PCSK5: variants seen among roughly 807,000 people sequenced by gnomAD.
PCSK5 encodes the protein proprotein convertase subtilisin/kexin type 5, also known as prohormone convertase 5.
A neutral mutation model predicts 233.2 loss-of-function variants in PCSK5; 129 were observed. That is an observed-to-expected ratio of 0.55 (90% CI 0.48 to 0.64). PCSK5 has a LOEUF of 0.64. Ranked by LOEUF, PCSK5 falls within the 30% of genes least tolerant of loss-of-function variation. The pLI is 0.00. For synonymous variants in PCSK5, 825 were observed against 879.2 expected (o/e 0.94, Z 1.09); for missense variants, 2,076 against 2,430.1 (o/e 0.85, Z 3.06).
intron 20 of PCSK5, among the ~76,000 whole-genome samples, chr9:76,207,212 C>A (rs1349569443): frequency 1.3e-5 from 2 of 152,212 alleles, no homozygotes; most frequent in African/African-American, 2.4e-5. Flanking sequence ...TTAATCACAT[C>A]TGGGAAATCC....
chr9:76,295,187 T>C (rs945664376), intron 25 of PCSK5, 88 bp from the exon 26 acceptor site: 53 of 1,185,674 alleles, frequency 4.5e-5, no homozygotes, highest in Non-Finnish European at 6.0e-5. Context: ...CAAAAAACTC[T>C]GCATAGACAT....
At chr9:75,960,167 C>CT (rs1358787335) in intron 2 of PCSK5, among the ~76,000 whole-genome samples, 1 of 152,022 alleles carries the variant, frequency 6.6e-6, no homozygotes, top group Non-Finnish European at 1.5e-5. Flanking sequence ...GATTTTAGGT[C>CT]TTTTTTCAAC....
intron 10 of PCSK5, among the ~76,000 whole-genome samples, chr9:76,152,190 G>GTGAC (rs1450778181): frequency 1.2e-4 from 19 of 152,240 alleles, no homozygotes; most frequent in Non-Finnish European, 2.8e-4. Flanking sequence ...GTCACATTCT[G>GTGAC]ATTTCAGTTG....
chr9:76,210,088 C>T (rs889687023), intron 20 of PCSK5, among the ~76,000 whole-genome samples: 1 of 152,150 alleles, frequency 6.6e-6, no homozygotes, highest in Non-Finnish European at 1.5e-5. Flanking sequence ...TTGACCTCAA[C>T]AGCAGCTGAC....
chr9:76,304,579 A>G (rs970425865), intron 28 of PCSK5, among the ~76,000 whole-genome samples: 27 of 150,048 alleles, frequency 1.8e-4, no homozygotes, highest in African/African-American at 6.1e-4. Context: ...AGTCTTCACA[A>G]CAATCCTATA....
intron 7 of PCSK5, among the ~76,000 whole-genome samples, chr9:76,080,255 C>T (rs1224137823): frequency 6.6e-6 from 1 of 152,200 alleles, no homozygotes. Flanking sequence ...CCCCATGCTT[C>T]TCTGAGCTCT....
At chr9:76,244,339 A>T (rs191212591) in intron 24 of PCSK5, among the ~76,000 whole-genome samples, 2 of 152,190 alleles carry the variant, frequency 1.3e-5, no homozygotes, top group Non-Finnish European at 2.9e-5. Context: ...GATAAATACA[A>T]ACTTGAAAAA....
At chr9:75,918,431 T>C (rs1032118740) in intron 1 of PCSK5, among the ~76,000 whole-genome samples, 3 of 152,256 alleles carry the variant, frequency 2.0e-5, no homozygotes, top group Non-Finnish European at 4.4e-5. Context: ...CCAATGCTGC[T>C]GGTCCAGTGC....
intron 20 of PCSK5, among the ~76,000 whole-genome samples, chr9:76,203,365 G>C (rs1162960282): frequency 6.6e-6 from 1 of 151,930 alleles, no homozygotes; most frequent in Non-Finnish European, 1.5e-5. Context: ...TGTTGACAAG[G>C]GACTTTGCAG....
chr9:76,161,601 T>G (rs1587703087), intron 12 of PCSK5, among the ~76,000 whole-genome samples: 1 of 152,296 alleles, frequency 6.6e-6, no homozygotes, highest in South Asian at 2.1e-4. Flanking sequence ...TGTTGCTGTT[T>G]GCTTGAAAAA....
At chr9:76,100,924 C>G (rs1016192) in intron 8 of PCSK5, among the ~76,000 whole-genome samples, 101,359 of 151,878 alleles carry the variant, frequency 0.67, 33,974 homozygotes, top group South Asian at 0.74. Flanking sequence ...TGTGCAAAGT[C>G]CCGTCTGTTA....
intron 2 of PCSK5, among the ~76,000 whole-genome samples, chr9:75,958,020 C>G (rs944692663): frequency 1.2e-4 from 19 of 152,130 alleles, no homozygotes; most frequent in Admixed American, 7.9e-4. Context: ...TGACTTTGAG[C>G]CTTAAATCTC....
chr9:75,995,693 A>G (rs1826985288), intron 3 of PCSK5, among the ~76,000 whole-genome samples: 1 of 150,996 alleles, frequency 6.6e-6, no homozygotes, highest in Non-Finnish European at 1.5e-5. Context: ...ATGGAGGTCC[A>G]ATCTGTTAGT....
chr9:76,224,290 T>G lies in PCSK5; in HGVS notation c.2627-3213T>G, dbSNP rs527765412. 5.3e-5 allele frequency among the ~76,000 whole-genome samples: 8 copies of G among 152,210 alleles called. No homozygotes were observed. The East Asian group carries it at 1.5e-3, about 29-fold the overall frequency. Reference sequence around the variant, plus strand: ...CACAGAGGAACTGGTGGAGAAATATTCTGAGGAAAGAAGATTATAACAGTA... The same window carrying G: ...CACAGAGGAACTGGTGGAGAAATATGCTGAGGAAAGAAGATTATAACAGTA... On this transcript the variant is annotated intron_variant, in intron 20 of 37. Coordinates refer to ENST00000674117, the MANE Select transcript of PCSK5 (RefSeq NM_001372043.1).
intron 20 of PCSK5, among the ~76,000 whole-genome samples, chr9:76,221,956 A>G (rs560794073): frequency 6.8e-4 from 104 of 152,326 alleles, no homozygotes; most frequent in African/African-American, 2.5e-3. Context: ...CAGGAAGGAC[A>G]AGGGCAAGTT....
rs746221548 is a variant in PCSK5, at chr9:76,174,950, T to A, written c.1757-36T>A. 3.2e-6 allele frequency: 5 copies of A among 1,558,796 alleles called. No homozygotes were observed. The Admixed American group carries it at 9.4e-5, about 29-fold the overall frequency. ...ATGTTACAGAGCTAAAGAGGGAAAA[T>A]TTGGTCATGCTGTGATTTCATTATT... On this transcript the variant is annotated intron_variant, in intron 13 of 37. Coordinates refer to ENST00000674117, the MANE Select transcript of PCSK5 (RefSeq NM_001372043.1).
intron 37 of PCSK5, among the ~76,000 whole-genome samples, chr9:76,356,926 A>G (rs1312964666): frequency 2.0e-5 from 3 of 152,216 alleles, no homozygotes; most frequent in Non-Finnish European, 4.4e-5. Context: ...TTCAACAAAT[A>G]TTTATGAAAA....
At chr9:76,189,552 A>G (rs1824265352) in intron 19 of PCSK5, 79 bp from the exon 20 acceptor site, 1 of 844,940 alleles carries the variant, frequency 1.2e-6, no homozygotes, top group South Asian at 1.5e-5. Flanking sequence ...TAAATGTAAG[A>G]CATTATGAGG....
chr9:76,248,640 A>G (rs1448140086), intron 24 of PCSK5, among the ~76,000 whole-genome samples: 1 of 152,230 alleles, frequency 6.6e-6, no homozygotes, highest in Non-Finnish European at 1.5e-5. Flanking sequence ...ACTACAATTA[A>G]TAGTTAATTA....
Sources: allele counts gnomAD v4.1 joint callset (sites outside exome capture counted in the v4.1 genomes callset), GRCh38; gene constraint gnomAD v4.1.1; transcripts MANE v1.5; gene names NCBI Gene and HGNC (gene_info 2026-07-23, HGNC 2026-07-21).